NCALD: variants seen among roughly 807,000 people sequenced by gnomAD.
NCALD encodes the protein neurocalcin delta, also known as neurocalcin-delta.
NCALD carries 10 observed loss-of-function variants against 18.6 expected under a neutral mutation model. The observed-to-expected ratio is 0.54, with a 90% CI of 0.33 to 0.91. The LOEUF is 0.91. NCALD is among the 40% of genes least tolerant of loss of function. NCALD has a pLI of 0.03. For missense variants in NCALD, 184 were observed against 247.6 expected (o/e 0.74, Z 1.72); for synonymous variants, 88 against 87.4 (o/e 1.01, Z -0.04).
chr8:101,740,446 G>C, intron 1 of NCALD, among the ~76,000 whole-genome samples: 1 of 152,208 alleles, frequency 6.6e-6, no homozygotes, highest in Middle Eastern at 3.2e-3. Flanking sequence ...TATATGTATA[G>C]CCAATAAGTA....
chr8:101,911,829 C>T (rs1463072709), intron 3 of NCALD, among the ~76,000 whole-genome samples: 1 of 152,124 alleles, frequency 6.6e-6, no homozygotes, highest in African/African-American at 2.4e-5. Flanking sequence ...TTTGTAGTAA[C>T]CTCTGTGGAT....
At chr8:101,905,982 G>A (rs1311126492) in intron 3 of NCALD, among the ~76,000 whole-genome samples, 2 of 152,230 alleles carry the variant, frequency 1.3e-5, no homozygotes, top group Non-Finnish European at 2.9e-5. Context: ...ACAGAATGAA[G>A]TAATTAAATC....
chr8:101,988,133 CG>C (rs1466529747), intron 2 of NCALD, among the ~76,000 whole-genome samples: 1 of 117,060 alleles, frequency 8.5e-6, no homozygotes, highest in East Asian at 2.6e-4. Flanking sequence ...CCGGCCTGGG[CG>C]AAACAGCGAG....
chr8:101,714,638 G>C (rs1457754921), intron 2 of NCALD, among the ~76,000 whole-genome samples: 2 of 152,070 alleles, frequency 1.3e-5, no homozygotes, highest in East Asian at 1.9e-4. Flanking sequence ...TTAGAAAAAA[G>C]TACTTTAAAT....
At chr8:101,900,864 T>G (rs995835267) in intron 3 of NCALD, among the ~76,000 whole-genome samples, 1 of 152,052 alleles carries the variant, frequency 6.6e-6, no homozygotes, top group African/African-American at 2.4e-5. Context: ...GATAATGTTA[T>G]GGTCTTCTCT....
chr8:101,694,073 T>C (rs2130001615), intron 2 of NCALD: 2 of 152,284 alleles, frequency 1.3e-5, no homozygotes, highest in Admixed American at 1.3e-4. Context: ...TCAAAGGTAG[T>C]TTTTATTTGG....
chr8:102,092,013 G>A (rs956392153), intron 1 of NCALD, among the ~76,000 whole-genome samples: 1 of 152,190 alleles, frequency 6.6e-6, no homozygotes, highest in Non-Finnish European at 1.5e-5. Flanking sequence ...AGGCTGAGAC[G>A]TACTGGGCTG....
At chr8:101,801,343 C>T (rs554446253) in intron 4 of NCALD, among the ~76,000 whole-genome samples, 221 of 152,028 alleles carry the variant, frequency 1.5e-3, no homozygotes, top group African/African-American at 5.1e-3. Context: ...CAAAATTAAC[C>T]AATTTGACCT....
intron 3 of NCALD, among the ~76,000 whole-genome samples, chr8:101,893,255 G>C (rs1045008447): frequency 2.0e-5 from 3 of 151,432 alleles, no homozygotes; most frequent in Non-Finnish European, 4.4e-5. Flanking sequence ...TTCATATCTA[G>C]CCAAACTAAG....
chr8:102,006,283 G>C (rs1180650935), intron 2 of NCALD, among the ~76,000 whole-genome samples: 1 of 151,924 alleles, frequency 6.6e-6, no homozygotes, highest in Non-Finnish European at 1.5e-5. Flanking sequence ...AGTTTCCAAG[G>C]CTAAACGTAA....
intron 1 of NCALD, among the ~76,000 whole-genome samples, chr8:102,046,787 GT>G (rs1223946863): frequency 2.8e-5 from 4 of 142,858 alleles, no homozygotes; most frequent in Non-Finnish European, 6.2e-5. Context: ...CTCACAATGA[GT>G]TTTTTTTCCT....
intron 4 of NCALD, among the ~76,000 whole-genome samples, chr8:101,867,261 T>C (rs990495795): frequency 6.6e-6 from 1 of 152,178 alleles, no homozygotes; most frequent in Non-Finnish European, 1.5e-5. Context: ...ATTTTCCTAG[T>C]TTTTTTCCCC....
intron 2 of NCALD, among the ~76,000 whole-genome samples, chr8:101,924,456 G>A (rs1818270956): frequency 6.6e-6 from 1 of 152,160 alleles, no homozygotes; most frequent in South Asian, 2.1e-4. Flanking sequence ...TTGGCAATTT[G>A]CAGTTCAGAA....
intron 1 of NCALD, among the ~76,000 whole-genome samples, chr8:101,780,920 C>G (rs974257622): frequency 5.9e-5 from 9 of 152,112 alleles, no homozygotes; most frequent in Admixed American, 5.9e-4. Context: ...GCTGATGGAA[C>G]AGTTAATAAA....
chr8:101,851,402 G>A (rs1268489209), intron 4 of NCALD, among the ~76,000 whole-genome samples: 1 of 151,924 alleles, frequency 6.6e-6, no homozygotes, highest in Non-Finnish European at 1.5e-5. Context: ...CAAATAGTAA[G>A]TGTGATAAAA....
intron 2 of NCALD, among the ~76,000 whole-genome samples, chr8:102,010,562 AAACAGT>A (rs1395398726): frequency 6.6e-6 from 1 of 152,220 alleles, no homozygotes; most frequent in Middle Eastern, 3.2e-3. Context: ...TTGAGCAGGA[AAACAGT>A]AACAGGATCA....
intron 1 of NCALD, among the ~76,000 whole-genome samples, chr8:101,760,948 T>C (rs1174068517): frequency 2.7e-5 from 4 of 147,630 alleles, no homozygotes; most frequent in African/African-American, 1.0e-4. Context: ...TTTCCCTTTA[T>C]AGTTAGAAGC....
intron 1 of NCALD, among the ~76,000 whole-genome samples, chr8:101,746,841 C>T (rs1055100644): frequency 2.6e-5 from 4 of 151,986 alleles, no homozygotes; most frequent in African/African-American, 9.7e-5. Flanking sequence ...TCATTTCTCA[C>T]TTGGATCTTT....
rs141319183 is a variant in NCALD at position 101,886,611 on chromosome 8, T to C, written c.-20+530A>G. On this transcript the variant is annotated intron_variant, in intron 4 of 6. Coordinates refer to the NCALD transcript ENST00000311028. Reference sequence around the variant, plus strand: ...GACTCATATCAACAAATTAGGAAAGTAATAATGTTCCTATTCTAACAGGAA... The same window carrying C: ...GACTCATATCAACAAATTAGGAAAGCAATAATGTTCCTATTCTAACAGGAA... Among the ~76,000 whole-genome samples the C allele has an allele frequency of 1.8e-3, 274 of 152,340 alleles. 1 individual carries two copies. Among genetic ancestry groups the C allele is most frequent in the African/African-American group, 6.1e-3 (254 of 41,588 alleles).
Sources: gnomAD v4.1 joint callset for allele counts (sites outside exome capture counted in the v4.1 genomes callset) on GRCh38, gnomAD v4.1.1 for gene constraint, MANE v1.5 for transcripts, NCBI Gene and HGNC (gene_info 2026-07-23, HGNC 2026-07-21) for gene names.